FARP2: variants seen among roughly 807,000 people sequenced by gnomAD.
FARP2 encodes FERM, ARH/RhoGEF and pleckstrin domain protein 2.
A neutral mutation model predicts 130.5 loss-of-function variants in FARP2; 111 were observed. That is an observed-to-expected ratio of 0.85 (90% CI 0.73 to 1.00). FARP2 has a LOEUF of 1.00. Among genes scored for constraint, FARP2 ranks in the 50% least tolerant of loss-of-function variants. The pLI is 0.00. For missense variants in FARP2, 1,385 were observed against 1,346.3 expected (o/e 1.03, Z -0.45); for synonymous variants, 504 against 516.9 (o/e 0.98, Z 0.34).
At chr2:241,486,669 G>A (rs2064761143) in intron 21 of FARP2, among the ~76,000 whole-genome samples, 1 of 152,118 alleles carries the variant, frequency 6.6e-6, no homozygotes, top group Admixed American at 6.6e-5. Context: ...ACGCTTGGCT[G>A]TGGCTGGTTG....
chr2:241,398,514 T>C (rs781675902), intron 2 of FARP2, among the ~76,000 whole-genome samples: 1 of 152,182 alleles, frequency 6.6e-6, no homozygotes, highest in Non-Finnish European at 1.5e-5. Flanking sequence ...TGCTGTTTAA[T>C]TGACATTTTG....
chr2:241,399,595 C>A (rs1384291856), intron 2 of FARP2, among the ~76,000 whole-genome samples: 2 of 152,218 alleles, frequency 1.3e-5, no homozygotes, highest in Non-Finnish European at 2.9e-5. Context: ...CAGGCATGAG[C>A]CACCACACCC....
At chr2:241,493,171 G>A (rs1474852613) in intron 25 of FARP2, 122 bp from the exon 26 acceptor site, 2 of 1,262,676 alleles carry the variant, frequency 1.6e-6, no homozygotes, top group East Asian at 4.7e-5. Flanking sequence ...GTGTGAACAG[G>A]GAAACTGGCT....
chr2:241,364,085 T>A (rs543512345), intron 1 of FARP2, among the ~76,000 whole-genome samples: 1 of 152,366 alleles, frequency 6.6e-6, no homozygotes, highest in African/African-American at 2.4e-5. Flanking sequence ...ACGAATCAAC[T>A]AGCCTGGATT....
intron 19 of FARP2, among the ~76,000 whole-genome samples, chr2:241,477,123 C>CTTTTTT (rs71406462): frequency 2.2e-4 from 27 of 122,638 alleles, no homozygotes; most frequent in Admixed American, 4.0e-4. Context: ...ATTCATGTTC[C>CTTTTTT]TTTTTTTTTT....
chr2:241,466,716 AC>A, intron 17 of FARP2: 1 of 490,540 alleles, frequency 2.0e-6, no homozygotes, highest in South Asian at 1.0e-4. Context: ...CACCACCCGT[AC>A]CCTCCTAGGG....
chr2:241,417,864 C>T, intron 7 of FARP2, 98 bp from the exon 8 acceptor site: 1 of 1,330,932 alleles, frequency 7.5e-7, no homozygotes, highest in Non-Finnish European at 1.1e-6. Flanking sequence ...ACACACAAAG[C>T]CTTCATTGTT....
chr2:241,476,852 C>T (rs2064482026), intron 19 of FARP2, among the ~76,000 whole-genome samples: 2 of 152,038 alleles, frequency 1.3e-5, no homozygotes, highest in Admixed American at 1.3e-4. Context: ...AAAGTGAAAC[C>T]CCCACAGCAA....
rs1175201991 is a variant in FARP2 at position 241,359,845 on chromosome 2, GC to G, written c.-25+3459del. Among the ~76,000 whole-genome samples, 9 of 152,314 alleles carry G rather than the reference GC, an allele frequency of 5.9e-5. No homozygotes were observed. The Middle Eastern group carries it at 0.01, about 173-fold the overall frequency. ...CCTTTCTGAGCCTGAGTTCCTTGAT[GC>G]CAGCTGCACATGGTTATTGTGAGGA... On this transcript the variant is annotated intron_variant, in intron 1 of 26. Transcript: ENST00000264042.
At chr2:241,453,574 A>C (rs1415448371) in intron 13 of FARP2, among the ~76,000 whole-genome samples, 1 of 151,570 alleles carries the variant, frequency 6.6e-6, no homozygotes, top group African/African-American at 2.4e-5. Context: ...GTGAGCCGAG[A>C]TCGTGTCACT....
intron 2 of FARP2, among the ~76,000 whole-genome samples, chr2:241,387,912 T>C (rs1377219312): frequency 6.6e-6 from 1 of 152,108 alleles, no homozygotes; most frequent in Non-Finnish European, 1.5e-5. Context: ...ATAAAAGTAT[T>C]GAAAAAAATC....
At chr2:241,359,188 TAG>T (rs1000912312) in intron 1 of FARP2, among the ~76,000 whole-genome samples, 2 of 152,218 alleles carry the variant, frequency 1.3e-5, no homozygotes, top group Non-Finnish European at 2.9e-5. Context: ...GGAGGGTAGT[TAG>T]AGTGTTGTAA....
At chr2:241,406,847 G>T (rs538248627) in intron 4 of FARP2, among the ~76,000 whole-genome samples, 1 of 151,530 alleles carries the variant, frequency 6.6e-6, no homozygotes, top group Non-Finnish European at 1.5e-5. Context: ...TCGCTCTGTC[G>T]CCCAGACTGG....
intron 17 of FARP2, chr2:241,465,369 C>A: frequency 1.0e-6 from 1 of 972,268 alleles, no homozygotes; most frequent in Non-Finnish European, 1.6e-6. Flanking sequence ...AGGACCTGTT[C>A]AGGGCAGAGT....
intron 8 of FARP2, among the ~76,000 whole-genome samples, chr2:241,429,287 C>T (rs1415562034): frequency 1.3e-5 from 2 of 151,836 alleles, no homozygotes; most frequent in Non-Finnish European, 2.9e-5. Flanking sequence ...AATCTAGGAG[C>T]AAATGCTGTA....
intron 2 of FARP2, among the ~76,000 whole-genome samples, chr2:241,378,370 C>T (rs936649331): frequency 6.8e-6 from 1 of 147,400 alleles, no homozygotes; most frequent in Non-Finnish European, 1.5e-5. Flanking sequence ...CCCCCTCGGC[C>T]TCCCAAAGTT....
chr2:241,391,834 A>G (rs1164504797), intron 2 of FARP2, among the ~76,000 whole-genome samples: 6 of 152,204 alleles, frequency 3.9e-5, no homozygotes, highest in Non-Finnish European at 5.9e-5. Flanking sequence ...GTCGTTTTCC[A>G]GAGAATACCA....
intron 12 of FARP2, among the ~76,000 whole-genome samples, chr2:241,440,269 C>T (rs1179148064): frequency 3.9e-5 from 6 of 152,206 alleles, no homozygotes; most frequent in Non-Finnish European, 7.3e-5. Context: ...ACACTCTTAA[C>T]GATGTGGCGT....
In FARP2 at chr2:241,461,211, C is replaced by T. The variant is rs567495439; in HGVS notation, c.1588-1312C>T. Among the ~76,000 whole-genome samples, 3 of 152,292 alleles carry T rather than the reference C, an allele frequency of 2.0e-5. No homozygotes were observed. The East Asian group carries it at 5.8e-4, about 29-fold the overall frequency. On this transcript the variant is annotated intron_variant, in intron 14 of 26. Coordinates refer to ENST00000264042, the MANE Select transcript of FARP2 (RefSeq NM_014808.4). ...ACTGCGGCAGTCACCCCTCCTGCCT[C>T]CAACCCTCACACCTTACCTCCACAC...
Sources: gnomAD v4.1 joint callset for allele counts (sites outside exome capture counted in the v4.1 genomes callset) on GRCh38, gnomAD v4.1.1 for gene constraint, MANE v1.5 for transcripts, NCBI Gene and HGNC (gene_info 2026-07-23, HGNC 2026-07-21) for gene names.